The following NHEJ1 variants were observed in gnomAD, a reference collection of about 807,000 sequenced individuals.
The protein encoded by NHEJ1 is non-homologous end-joining factor 1.
NHEJ1 carries 22 observed loss-of-function variants against 39.4 expected under a neutral mutation model. The observed-to-expected ratio is 0.56, with a 90% CI of 0.40 to 0.80. NHEJ1 has a LOEUF of 0.80. NHEJ1 is among the 30% of genes least tolerant of loss of function. The probability of loss-of-function intolerance (pLI) is 0.00; values close to 1 mark genes in which losing one functional copy is unlikely to be tolerated. For synonymous variants in NHEJ1, 154 were observed against 135.6 expected (o/e 1.14, Z -0.94); for missense variants, 329 against 357.1 (o/e 0.92, Z 0.63).
At chr2:219,084,366 C>G (rs1479154776) in intron 5 of NHEJ1, among the ~76,000 whole-genome samples, 1 of 152,156 alleles carries the variant, frequency 6.6e-6, no homozygotes, top group Non-Finnish European at 1.5e-5. Context: ...AGTTGAGAAG[C>G]ATCTGTATTA....
At chr2:219,105,462 A>C (rs1343515051) in intron 5 of NHEJ1, among the ~76,000 whole-genome samples, 7 of 152,200 alleles carry the variant, frequency 4.6e-5, no homozygotes, top group Non-Finnish European at 7.3e-5. Context: ...AGCTCACTAG[A>C]CTGCAAGCTC....
At chr2:219,110,136 C>T (rs991307006) in intron 5 of NHEJ1, among the ~76,000 whole-genome samples, 4 of 152,150 alleles carry the variant, frequency 2.6e-5, no homozygotes, top group African/African-American at 9.7e-5. Context: ...TCTATTGACA[C>T]TGGAGAGACA....
intron 6 of NHEJ1, 134 bp downstream of exon 6, chr2:219,077,954 AT>A: frequency 1.4e-6 from 1 of 728,150 alleles, no homozygotes; most frequent in Non-Finnish European, 2.4e-6. Flanking sequence ...GAGAAAATGC[AT>A]TTTTAGTTTT....
intron 5 of NHEJ1, among the ~76,000 whole-genome samples, chr2:219,095,056 G>C (rs937078186): frequency 9.9e-5 from 15 of 152,162 alleles, no homozygotes; most frequent in African/African-American, 3.6e-4. Context: ...AGCCAGAGTA[G>C]AAGAGCACCT....
At chr2:219,079,806 C>T (rs539389182) in intron 5 of NHEJ1, among the ~76,000 whole-genome samples, 21 of 152,326 alleles carry the variant, frequency 1.4e-4, no homozygotes, top group Admixed American at 8.5e-4. Context: ...AGCCAGAGAG[C>T]CCTGATGGTG....
chr2:219,136,736 G>A (rs1465292168), intron 5 of NHEJ1, among the ~76,000 whole-genome samples: 1 of 151,702 alleles, frequency 6.6e-6, no homozygotes, highest in Non-Finnish European at 1.5e-5. Flanking sequence ...CTGAGTAGCT[G>A]GGATTACAGG....
At chr2:219,080,552 T>TAA (rs1949053486) in intron 5 of NHEJ1, among the ~76,000 whole-genome samples, 1 of 130,920 alleles carries the variant, frequency 7.6e-6, no homozygotes, top group South Asian at 2.3e-4. Flanking sequence ...TAAATAAAAA[T>TAA]ATATATATAT....
intron 5 of NHEJ1, among the ~76,000 whole-genome samples, chr2:219,102,140 T>C (rs6732562): frequency 0.72 from 109,551 of 152,064 alleles, 39,957 homozygotes; most frequent in Non-Finnish European, 0.77. Flanking sequence ...ATAAACAATG[T>C]TGCTGGTGTT....
chr2:219,093,731 T>C (rs770687118), intron 5 of NHEJ1, among the ~76,000 whole-genome samples: 1 of 152,126 alleles, frequency 6.6e-6, no homozygotes. Context: ...AGTGGGTATA[T>C]AGTGTTTGCT....
rs149167343 is a variant in NHEJ1 at position 219,075,634 on chromosome 2, C to T, written c.*747G>A. On this transcript the variant is annotated 3_prime_UTR_variant, in exon 8 of 8. Coordinates refer to ENST00000356853, the MANE Select transcript of NHEJ1 (RefSeq NM_024782.3). ...AGGTGTGGTGGTGTGTGCCTTTAGT[C>T]CCAGTTATGCAGAAGGATGAGGCGG... is the stretch of plus-strand genomic sequence containing the variant. The T allele has an allele frequency of 1.3e-5, 2 of 152,182 alleles. No individual in the cohort carries two copies. Among genetic ancestry groups the T allele is most frequent in the African/African-American group, 2.4e-5 (1 of 41,488 alleles). The allele number at this position is 152,182 out of a possible 1,614,324, so 9.4% of individuals were successfully genotyped here.
At chr2:219,096,339 C>T (rs1340298842) in intron 5 of NHEJ1, among the ~76,000 whole-genome samples, 1 of 152,200 alleles carries the variant, frequency 6.6e-6, no homozygotes, top group Admixed American at 6.5e-5. Flanking sequence ...GATTTTCAGT[C>T]ATTTTTGCTC....
chr2:219,080,626 C>G (rs1425434528), intron 5 of NHEJ1, among the ~76,000 whole-genome samples: 1 of 141,312 alleles, frequency 7.1e-6, no homozygotes, highest in African/African-American at 2.7e-5. Flanking sequence ...TATATATATG[C>G]TAATATATAT....
rs984791249 is a variant in NHEJ1 at position 219,069,561 on chromosome 2, G to C, written c.*6820C>G. 1 of 152,190 alleles carries C rather than the reference G, an allele frequency of 6.6e-6. No homozygotes were observed. The highest frequency in any genetic ancestry group is 1.5e-5 in the Non-Finnish European group (1 of 68,046). The allele number at this position is 152,190 out of a possible 1,614,324, so 9.4% of individuals were successfully genotyped here. ...CACCAGAAAGACAACTTAGGAAATA[G>C]CTCCTGGCTGTGAGAACCTAAGAGG... On this transcript the variant is annotated 3_prime_UTR_variant, in exon 8 of 8. Transcript: ENST00000356853.
rs1948986131 is a variant in NHEJ1, at chr2:219,073,747, T to TGGCCCC, written c.*2628_*2633dup. 1.3e-5 allele frequency among the ~76,000 whole-genome samples: 2 copies of TGGCCCC among 152,250 alleles called. No individual in the cohort carries two copies. Among genetic ancestry groups the TGGCCCC allele is most frequent in the South Asian group, 4.1e-4 (2 of 4,836 alleles). On this transcript the variant is annotated 3_prime_UTR_variant, in exon 8 of 8. Transcript: ENST00000356853. ...AGTCCCTTCTCCCACCAGCCAGCCC[T>TGGCCCC]GGCCCCAGCCCCAGCCCCGGGGAGC...
At chr2:219,126,927 A>C (rs1429182304) in intron 5 of NHEJ1, among the ~76,000 whole-genome samples, 1 of 152,222 alleles carries the variant, frequency 6.6e-6, no homozygotes, top group Non-Finnish European at 1.5e-5. Flanking sequence ...ATAGCAGTTC[A>C]CTGTGGCAGA....
chr2:219,089,021 G>A (rs62191771), intron 5 of NHEJ1, among the ~76,000 whole-genome samples: 2 of 152,118 alleles, frequency 1.3e-5, no homozygotes, highest in Non-Finnish European at 1.5e-5. Context: ...GGGTTTCACT[G>A]TGTTAGCCAG....
chr2:219,137,610 C>T (rs1326840466), intron 5 of NHEJ1, among the ~76,000 whole-genome samples: 1 of 105,560 alleles, frequency 9.5e-6, no homozygotes, highest in African/African-American at 3.0e-5. Context: ...AACTGAAAAC[C>T]ACCTTCAGAA....
chr2:219,112,083 C>T lies in NHEJ1; in HGVS notation c.589-33877G>A, dbSNP rs559056889. On this transcript the variant is annotated intron_variant, in intron 5 of 7. Coordinates refer to ENST00000356853, the MANE Select transcript of NHEJ1 (RefSeq NM_024782.3). ...ATAGAGTGGAAAAGGAAAGCTTCGG[C>T]AAGGAAAAATTGCTAAAAAGAATGA... is the stretch of plus-strand genomic sequence containing the variant. Among the ~76,000 whole-genome samples, 7 of 152,200 alleles carry T rather than the reference C, an allele frequency of 4.6e-5. No individual in the cohort carries two copies. The East Asian group carries it at 1.2e-3, about 25-fold the overall frequency.
intron 1 of NHEJ1, among the ~76,000 whole-genome samples, chr2:219,159,638 G>T (rs1949909470): frequency 7.3e-6 from 1 of 137,794 alleles, no homozygotes; most frequent in African/African-American, 2.7e-5. Flanking sequence ...TTTCTTTATG[G>T]CATCCTCAAA....
Sources: gnomAD v4.1 joint callset for allele counts (sites outside exome capture counted in the v4.1 genomes callset) on GRCh38, gnomAD v4.1.1 for gene constraint, MANE v1.5 for transcripts, NCBI Gene and HGNC (gene_info 2026-07-23, HGNC 2026-07-21) for gene names.